The following MTOR variants were observed in gnomAD, a reference collection of about 807,000 sequenced individuals.
MTOR encodes the protein mechanistic target of rapamycin kinase.
In MTOR, 70 loss-of-function variants were observed where a neutral mutation model predicts 319.8. The observed-to-expected ratio is 0.22, with a 90% CI of 0.18 to 0.27. The LOEUF (loss-of-function observed/expected upper bound fraction) is 0.27, where lower values mean the gene tolerates loss of function less well. Ranked by LOEUF, MTOR falls within the 10% of genes least tolerant of loss-of-function variation. The probability of loss-of-function intolerance (pLI) is 1.00; values close to 1 mark genes in which losing one functional copy is unlikely to be tolerated. For missense variants in MTOR, 1,890 were observed against 3,274.4 expected, an observed-to-expected ratio of 0.58 and a Z score of 10.32; for synonymous variants, 1,183 against 1,211.4, an observed-to-expected ratio of 0.98 and a Z score of 0.49.
rs772181033 is a variant in MTOR at position 11,238,463 on chromosome 1, G to A, written c.1941C>T (p.Thr647=). 17 of 1,614,032 alleles carry A rather than the reference G, an allele frequency of 1.1e-5. No individual in the cohort carries two copies. The highest frequency in any genetic ancestry group is 2.2e-5 in the South Asian group (2 of 91,076). Reference sequence around the variant, plus strand: ...GCACATCTGCCACCACTTGCACTGCGGTCTGGCTAACCACATGAGCATGGC... The same window carrying A: ...GCACATCTGCCACCACTTGCACTGCAGTCTGGCTAACCACATGAGCATGGC... ...ISGHAHVVSQ[T]AVQVVADVLS... Residue 647 remains threonine (T), a synonymous_variant, in exon 12 of 58, where the codon ACC becomes ACT. Coordinates refer to ENST00000361445, the MANE Select transcript of MTOR (RefSeq NM_004958.4).
rs2275524 is a variant in MTOR, at chr1:11,114,677, T to C, written c.7164+136A>G. 3,392 of 1,050,806 alleles carry C rather than the reference T, an allele frequency of 3.2e-3. 114 individuals are homozygous for C. In the Admixed American group the frequency reaches 0.064, roughly 20 times the overall value. The allele number at this position is 1,050,806 out of a possible 1,614,324, so 65.1% of individuals were successfully genotyped here. A position where few individuals can be genotyped will look rare whatever the true frequency, so the allele number is the denominator to read the frequency against. On this transcript the variant is annotated intron_variant, in intron 52 of 57. Coordinates refer to ENST00000361445, the MANE Select transcript of MTOR (RefSeq NM_004958.4). ...CATAGATAGGTCATTTCTAACACAA[T>C]AGGAAATAACAGAAAACTGCTACAA...
At chr1:11,204,758 A>C in intron 25 of MTOR, 55 bp from the exon 26 acceptor site, 2 of 1,562,910 alleles carry the variant, frequency 1.3e-6, no homozygotes, top group South Asian at 2.3e-5. Context: ...CCAATTGAAA[A>C]AAGTCCTCAT....
rs763120861 is a variant in MTOR, at chr1:11,237,945, G to A, written c.2106C>T (p.Asp702=). The change falls in exon 13 of 58, where the codon GAC becomes GAT. Residue 702 remains aspartate (D), a synonymous_variant. Coordinates refer to ENST00000361445, the MANE Select transcript of MTOR (RefSeq NM_004958.4). ...CCAGCTCCCGGATCTCAAACACCTGGTCATTCAGAGCCACAAACAAGGCCT... is the reference window on the plus strand; with the variant it reads ...CCAGCTCCCGGATCTCAAACACCTGATCATTCAGAGCCACAAACAAGGCCT... ...NLQALFVALN[D]QVFEIRELAI... is the part of the protein sequence containing the mutation. 1 of 1,614,168 alleles carries A rather than the reference G, an allele frequency of 6.2e-7. No homozygotes were observed. Among genetic ancestry groups the A allele is most frequent in the South Asian group, 1.1e-5 (1 of 91,078 alleles).
At chr1:11,193,457 G>A (rs1380047539) in intron 28 of MTOR, 2 of 827,772 alleles carry the variant, frequency 2.4e-6, no homozygotes. Context: ...GTGAGCCAGT[G>A]TGACTGCGGG....
chr1:11,244,085 G>C (rs1342148051), intron 8 of MTOR, among the ~76,000 whole-genome samples: 2 of 151,912 alleles, frequency 1.3e-5, no homozygotes, highest in Middle Eastern at 3.2e-3. Context: ...CTGAGGTCAG[G>C]AGTTTGAAAC....
Position 11,113,359 on chromosome 1 carries a change from T to C in MTOR, c.7301-442A>G, listed in dbSNP as rs539680003. On this transcript the variant is annotated intron_variant, in intron 53 of 57. Transcript: ENST00000361445. ...GTTAATACTGAAGAATATTTTAGTA[T>C]CTAAATTGATAATGGCATTTTCTGT... 4.2e-5 allele frequency among the ~76,000 whole-genome samples: 6 copies of C among 143,542 alleles called. No homozygotes were observed. In the South Asian group the frequency reaches 1.4e-3, roughly 34 times the overall value. 94.2% of individuals were successfully genotyped at this position (143,542 alleles called of 152,430 possible).
At chr1:11,200,835 G>GA (rs1413732383) in intron 26 of MTOR, among the ~76,000 whole-genome samples, 1 of 151,932 alleles carries the variant, frequency 6.6e-6, no homozygotes, top group Non-Finnish European at 1.5e-5. Flanking sequence ...CTAACATGGT[G>GA]AAACCCCGTC....
intron 3 of MTOR, among the ~76,000 whole-genome samples, 196 bp from the exon 4 acceptor site, chr1:11,257,361 C>G (rs1650532624): frequency 6.8e-6 from 1 of 147,012 alleles, no homozygotes; most frequent in Non-Finnish European, 1.5e-5. Flanking sequence ...CATGGTGAAA[C>G]CCCGTCTCTA....
At chr1:11,156,588 T>C (rs1644325691) in intron 30 of MTOR, among the ~76,000 whole-genome samples, 1 of 152,184 alleles carries the variant, frequency 6.6e-6, no homozygotes, top group Non-Finnish European at 1.5e-5. Context: ...TCCTTTGGGC[T>C]TTCAAGGTAG....
chr1:11,109,448 A>G lies in MTOR; in HGVS notation c.7448-78T>C. On this transcript the variant is annotated intron_variant, in intron 55 of 57. Transcript: ENST00000361445. This position sits in a 1 kb window ranked among gnomAD's most constrained non-coding sequence, Gnocchi z 4.0. Reference sequence around the variant, plus strand: ...TTCAATGGGTGCCCTGTTTTTCTCAAATATTCACTTTTGTAAGTGTTAAGC... The same window carrying G: ...TTCAATGGGTGCCCTGTTTTTCTCAGATATTCACTTTTGTAAGTGTTAAGC... The G allele has an allele frequency of 7.2e-7, 1 of 1,379,338 alleles. No homozygotes were observed. The highest frequency in any genetic ancestry group is 1.0e-6 in the Non-Finnish European group (1 of 977,858). 85.4% of individuals were successfully genotyped at this position (1,379,338 alleles called of 1,614,324 possible). A position where few individuals can be genotyped will look rare whatever the true frequency, so the allele number is the denominator to read the frequency against.
At chr1:11,150,993 T>C (rs1447686356) in intron 30 of MTOR, among the ~76,000 whole-genome samples, 1 of 152,168 alleles carries the variant, frequency 6.6e-6, no homozygotes, top group Non-Finnish European at 1.5e-5. Flanking sequence ...ACTCCTTAAT[T>C]TTTCCTGCTT....
chr1:11,144,879 A>C, intron 33 of MTOR, 89 bp downstream of exon 33: 1 of 1,529,762 alleles, frequency 6.5e-7, no homozygotes, highest in South Asian at 1.1e-5. Context: ...GCATGTTTCC[A>C]GCAGCCTGTA....
At chr1:11,229,314 C>T (rs1055323127) in intron 18 of MTOR, among the ~76,000 whole-genome samples, 8 of 152,306 alleles carry the variant, frequency 5.3e-5, no homozygotes, top group Middle Eastern at 6.8e-3. Flanking sequence ...CTCCTTGGTT[C>T]CCCTAGGGAA....
At chr1:11,140,821 G>A (rs765313900) in intron 34 of MTOR, among the ~76,000 whole-genome samples, 2 of 152,112 alleles carry the variant, frequency 1.3e-5, no homozygotes, top group Non-Finnish European at 2.9e-5. Context: ...GGTTGAAGAT[G>A]ACTATCACTG....
chr1:11,150,110 G>T lies in MTOR; in HGVS notation c.4570+16C>A. The T allele has an allele frequency of 6.2e-7, 1 of 1,611,656 alleles. No individual in the cohort carries two copies. The highest frequency in any genetic ancestry group is 8.5e-7 in the Non-Finnish European group (1 of 1,178,398). ...TCACCCCATCCTTCACAGGGTGCCT[G>T]TGAGGGAAGCTTTACCTAAACCCCA... is the stretch of plus-strand genomic sequence containing the variant. On this transcript the variant is annotated intron_variant, in intron 31 of 57. Coordinates refer to ENST00000361445, the MANE Select transcript of MTOR (RefSeq NM_004958.4).
At chr1:11,156,296 A>G (rs1644317059) in intron 30 of MTOR, among the ~76,000 whole-genome samples, 1 of 152,198 alleles carries the variant, frequency 6.6e-6, no homozygotes, top group African/African-American at 2.4e-5. Context: ...GGCCTGTTTT[A>G]GTCATTTAAA....
chr1:11,187,239 G>A (rs1645349055), intron 28 of MTOR, among the ~76,000 whole-genome samples: 1 of 151,014 alleles, frequency 6.6e-6, no homozygotes, highest in South Asian at 2.1e-4. Context: ...GCAGGGTCAC[G>A]TGGGATGCTA....
chr1:11,212,568 A>C lies in MTOR; in HGVS notation c.3399-94T>G. The C allele has an allele frequency of 6.9e-7, 1 of 1,444,308 alleles. No homozygotes were observed. The highest frequency in any genetic ancestry group is 9.4e-7 in the Non-Finnish European group (1 of 1,059,920). The allele number at this position is 1,444,308 out of a possible 1,614,324, so 89.5% of individuals were successfully genotyped here. A position where few individuals can be genotyped will look rare whatever the true frequency, so the allele number is the denominator to read the frequency against. On this transcript the variant is annotated intron_variant, in intron 22 of 57. Coordinates refer to ENST00000361445, the MANE Select transcript of MTOR (RefSeq NM_004958.4). The surrounding 1 kb of genome is among the most constrained non-coding windows in gnomAD (Gnocchi z 4.1). The stretch of plus-strand genomic sequence containing the variant: ...GAGCTTAACAATCAGCACCAAAGGG[A>C]TGGGAATGAACGGCTTCTAAGGTAT...
chr1:11,172,508 C>T (rs1056735006), intron 28 of MTOR, among the ~76,000 whole-genome samples: 1 of 137,192 alleles, frequency 7.3e-6, no homozygotes, highest in South Asian at 2.3e-4. Flanking sequence ...TGCTGTGAGC[C>T]GAGATCACAC....
Sources: allele counts gnomAD v4.1 joint callset (sites outside exome capture counted in the v4.1 genomes callset), GRCh38; gene constraint gnomAD v4.1.1; non-coding constraint Gnocchi (gnomAD v3.1); transcripts MANE v1.5; gene names NCBI Gene and HGNC (gene_info 2026-07-23, HGNC 2026-07-21).